QTGAL: variants seen among roughly 807,000 people sequenced by gnomAD.
The protein encoded by QTGAL is BGnT-like protein 1.
chr17:83,044,673 G>C, the QTGAL span, among the ~76,000 whole-genome samples: 23 of 152,248 alleles, frequency 1.5e-4, no homozygotes, highest in Admixed American at 1.5e-3. Flanking sequence ...GCCAGGCGCG[G>C]CGGCTCACGC....
At chr17:82,946,912 G>A in the QTGAL span, 3 of 1,566,898 alleles carry the variant, frequency 1.9e-6, no homozygotes, top group Middle Eastern at 3.3e-4. Flanking sequence ...GTCAGCTGAA[G>A]TGAAGGAAGT....
At chr17:82,983,357 G>A in the QTGAL span, among the ~76,000 whole-genome samples, 72 of 152,228 alleles carry the variant, frequency 4.7e-4, no homozygotes, top group African/African-American at 1.7e-3. Flanking sequence ...TTTTAATTGG[G>A]TAGACTTTGT....
chr17:82,969,594 G>A, the QTGAL span, among the ~76,000 whole-genome samples: 2 of 152,230 alleles, frequency 1.3e-5, no homozygotes, highest in African/African-American at 2.4e-5. Context: ...AGCCTCGCCT[G>A]AGGCCAGGAG....
chr17:83,026,762 A>G, the QTGAL span, among the ~76,000 whole-genome samples: 71 of 120,840 alleles, frequency 5.9e-4, 2 homozygotes, highest in Middle Eastern at 6.0e-3. Context: ...CGACAGACAC[A>G]CAGAGGAGGG....
the QTGAL span, among the ~76,000 whole-genome samples, chr17:82,970,323 A>G: frequency 1.2e-4 from 18 of 152,242 alleles, no homozygotes; most frequent in Non-Finnish European, 2.5e-4. Flanking sequence ...TGCCCGGACA[A>G]ATACAGCCTT....
chr17:82,963,934 C>T, the QTGAL span, among the ~76,000 whole-genome samples: 1 of 149,372 alleles, frequency 6.7e-6, no homozygotes, highest in African/African-American at 2.5e-5. Context: ...AAAATTGGAT[C>T]GATTTAACTA....
At chr17:82,983,580 G>C in the QTGAL span, among the ~76,000 whole-genome samples, 1 of 152,154 alleles carries the variant, frequency 6.6e-6, no homozygotes, top group African/African-American at 2.4e-5. Context: ...CATTCCTGCC[G>C]ACCTGTGGCA....
the QTGAL span, among the ~76,000 whole-genome samples, chr17:83,050,806 G>A: frequency 9.5e-4 from 75 of 78,612 alleles, 1 homozygote; most frequent in South Asian, 0.027. Context: ...TGTGGGCACG[G>A]AGGAGGTGTG....
At chr17:82,947,184 T>TG in the QTGAL span, 29 of 523,898 alleles carry the variant, frequency 5.5e-5, no homozygotes, top group Middle Eastern at 5.0e-4. Flanking sequence ...CAGGCCCTGT[T>TG]GGTCACCAGA....
the QTGAL span, chr17:82,947,023 G>C: frequency 1.3e-6 from 2 of 1,530,522 alleles, no homozygotes; most frequent in Non-Finnish European, 1.8e-6. Context: ...CGGTCTCCTG[G>C]CTCTAGGAGG....
chr17:83,022,743 G>C, the QTGAL span, among the ~76,000 whole-genome samples: 4 of 10,512 alleles, frequency 3.8e-4, no homozygotes, highest in Admixed American at 1.1e-3. Context: ...ATGAGCTTAG[G>C]ACTGTCCCCG....
At chr17:82,953,141 A>G in the QTGAL span, among the ~76,000 whole-genome samples, 1 of 152,248 alleles carries the variant, frequency 6.6e-6, no homozygotes, top group African/African-American at 2.4e-5. Flanking sequence ...GAACTAGAGA[A>G]GCAAGAGCAA....
At chr17:82,949,036 T>C in the QTGAL span, 4 of 152,126 alleles carry the variant, frequency 2.6e-5, no homozygotes, top group African/African-American at 7.2e-5. Context: ...TACTGACCAA[T>C]AGAAAAATGG....
At chr17:83,026,713 C>G in the QTGAL span, among the ~76,000 whole-genome samples, 1 of 125,010 alleles carries the variant, frequency 8.0e-6, no homozygotes. Context: ...TCGACAGACA[C>G]GCAGAGGAGG....
chr17:82,945,914 A>G, the QTGAL span: 1 of 152,254 alleles, frequency 6.6e-6, no homozygotes, highest in Non-Finnish European at 1.5e-5. Context: ...ATAAAAACAT[A>G]GAAAGATGGC....
chr17:82,977,894 G>A, the QTGAL span, among the ~76,000 whole-genome samples: 1 of 152,066 alleles, frequency 6.6e-6, no homozygotes, highest in Non-Finnish European at 1.5e-5. Context: ...TCTCATCACC[G>A]GGGTTTGGTG....
chr17:82,965,917 C>T, the QTGAL span, among the ~76,000 whole-genome samples: 1 of 151,992 alleles, frequency 6.6e-6, no homozygotes, highest in Non-Finnish European at 1.5e-5. Context: ...GTCCCTTCTC[C>T]ACAGGGACGG....
the QTGAL span, among the ~76,000 whole-genome samples, chr17:82,971,044 C>T: frequency 6.6e-6 from 1 of 152,138 alleles, no homozygotes; most frequent in Non-Finnish European, 1.5e-5. Context: ...TGCGAGGGCT[C>T]ACTCAGCGCT....
At chr17:83,002,702 CCA>C in the QTGAL span, among the ~76,000 whole-genome samples, 1 of 152,212 alleles carries the variant, frequency 6.6e-6, no homozygotes, top group Non-Finnish European at 1.5e-5. Context: ...GGCCCCGTGT[CCA>C]GTCTCACAGA....
Sources: gnomAD v4.1 joint callset for allele counts (sites outside exome capture counted in the v4.1 genomes callset) on GRCh38, gnomAD v4.1.1 for gene constraint, MANE v1.5 for transcripts, NCBI Gene and HGNC (gene_info 2026-07-23, HGNC 2026-07-21) for gene names.